SLIT2: variants seen among roughly 807,000 people sequenced by gnomAD.
SLIT2 encodes the protein slit guidance ligand 2.
Under a neutral mutation model 185.7 loss-of-function variants are expected in SLIT2, and 41 were observed. The observed-to-expected ratio is 0.22, with a 90% CI of 0.17 to 0.29. SLIT2 has a LOEUF of 0.29. Ranked by LOEUF, SLIT2 falls within the 10% of genes least tolerant of loss-of-function variation. The pLI is 1.00. For synonymous variants in SLIT2, 693 were observed against 680.2 expected, an observed-to-expected ratio of 1.02 and a Z score of -0.29; for missense variants, 1,571 against 1,909.0, an observed-to-expected ratio of 0.82 and a Z score of 3.30.
chr4:20,354,887 G>C (rs1297466336), intron 4 of SLIT2, among the ~76,000 whole-genome samples: 1 of 82,490 alleles, frequency 1.2e-5, no homozygotes, highest in Non-Finnish European at 2.8e-5. Context: ...GCAAGTCTGC[G>C]TGTGTGTGTG....
At chr4:20,448,370 G>A (rs1712063144) in intron 4 of SLIT2, among the ~76,000 whole-genome samples, 1 of 152,016 alleles carries the variant, frequency 6.6e-6, no homozygotes, top group South Asian at 2.1e-4. Context: ...GCACCAGGCT[G>A]GAGGGCAGCA....
At chr4:20,431,286 T>C (rs1728954182) in intron 4 of SLIT2, among the ~76,000 whole-genome samples, 1 of 152,222 alleles carries the variant, frequency 6.6e-6, no homozygotes, top group South Asian at 2.1e-4. Flanking sequence ...ATAGACTTTT[T>C]TGGAAGGGGA....
chr4:20,278,190 CTGTT>C (rs999570840), intron 4 of SLIT2, among the ~76,000 whole-genome samples: 1 of 151,496 alleles, frequency 6.6e-6, no homozygotes, highest in African/African-American at 2.4e-5. Context: ...TCTAAATACA[CTGTT>C]TATGTTCACA....
At chr4:20,271,438 A>G (rs1713596362) in intron 4 of SLIT2, among the ~76,000 whole-genome samples, 1 of 146,522 alleles carries the variant, frequency 6.8e-6, no homozygotes, top group South Asian at 2.1e-4. Context: ...TATATGTAAT[A>G]TAATATATAA....
At chr4:20,543,220 T>G (rs905106062) in intron 21 of SLIT2, among the ~76,000 whole-genome samples, 2 of 152,146 alleles carry the variant, frequency 1.3e-5, no homozygotes, top group Non-Finnish European at 2.9e-5. Context: ...CTTTAGATCC[T>G]AAAGGGTATG....
chr4:20,549,313 G>A (rs952044299), intron 24 of SLIT2, among the ~76,000 whole-genome samples, 185 bp downstream of exon 24: 1 of 151,956 alleles, frequency 6.6e-6, no homozygotes, highest in African/African-American at 2.4e-5. Context: ...CTTTGCTTTG[G>A]ACAATATAAC....
At chr4:20,573,656 A>G (rs957369460) in intron 29 of SLIT2, among the ~76,000 whole-genome samples, 23 of 152,210 alleles carry the variant, frequency 1.5e-4, no homozygotes, top group African/African-American at 5.3e-4. Flanking sequence ...AAGGCTGTAG[A>G]TAGAAAAATT....
At chr4:20,500,459 A>G (rs915673085) in intron 9 of SLIT2, among the ~76,000 whole-genome samples, 1 of 152,154 alleles carries the variant, frequency 6.6e-6, no homozygotes, top group South Asian at 2.1e-4. Flanking sequence ...CTACAACATT[A>G]CTTTCACTTC....
chr4:20,336,767 G>A (rs1466402865), intron 4 of SLIT2, among the ~76,000 whole-genome samples: 3 of 152,210 alleles, frequency 2.0e-5, no homozygotes, highest in Non-Finnish European at 2.9e-5. Context: ...GTTTGCACAT[G>A]TTCCAAGTGT....
Position 20,619,214 on chromosome 4 carries a change from G to T in SLIT2, c.*205G>T. 1 of 511,284 alleles carries T rather than the reference G, an allele frequency of 2.0e-6. No homozygotes were observed. 31.7% of individuals were successfully genotyped at this position (511,284 alleles called of 1,614,324 possible). On this transcript the variant is annotated 3_prime_UTR_variant, in exon 37 of 37. Coordinates refer to ENST00000504154, the MANE Select transcript of SLIT2 (RefSeq NM_004787.4). The stretch of plus-strand genomic sequence containing the variant: ...GAACTAAAGCTTCCCCTATGCTGGA[G>T]AAGTATGAAGAAAGATATACCTGGA...
At chr4:20,537,521 T>C (rs939507679) in intron 18 of SLIT2, among the ~76,000 whole-genome samples, 1 of 152,264 alleles carries the variant, frequency 6.6e-6, no homozygotes, top group Middle Eastern at 3.4e-3. Flanking sequence ...TCTTGTTTTG[T>C]TTTTCATTCA....
At chr4:20,472,527 T>TATAG (rs1428437238) in intron 5 of SLIT2, among the ~76,000 whole-genome samples, 235 of 22,062 alleles carry the variant, frequency 0.011, 79 homozygotes, top group East Asian at 0.018. Context: ...TATATATCTA[T>TATAG]ATATAGATAT....
At chr4:20,419,983 G>T (rs1158967977) in intron 4 of SLIT2, among the ~76,000 whole-genome samples, 3 of 152,028 alleles carry the variant, frequency 2.0e-5, no homozygotes, top group African/African-American at 7.2e-5. Context: ...TGCAGGTTCT[G>T]TGCAGCTGTC....
intron 11 of SLIT2, among the ~76,000 whole-genome samples, chr4:20,515,977 G>A (rs538456925): frequency 6.6e-6 from 1 of 152,068 alleles, no homozygotes; most frequent in South Asian, 2.1e-4. Flanking sequence ...TACCACACTC[G>A]GCTAATTTTT....
chr4:20,597,108 C>A (rs994475452), intron 32 of SLIT2, among the ~76,000 whole-genome samples: 5 of 150,918 alleles, frequency 3.3e-5, no homozygotes, highest in African/African-American at 9.8e-5. Flanking sequence ...CTCTGTCGCC[C>A]AGGCTGGAGT....
chr4:20,253,723 C>G lies in SLIT2; in HGVS notation c.-93C>G. ...TGGCACTCTGGGTTGCTAGCCCCGCCGGGCACTGGGCCTCAGACACTGCGC... is the reference window on the plus strand; with the variant it reads ...TGGCACTCTGGGTTGCTAGCCCCGCGGGGCACTGGGCCTCAGACACTGCGC... On this transcript the variant is annotated 5_prime_UTR_variant, in exon 1 of 37. Coordinates refer to ENST00000504154, the MANE Select transcript of SLIT2 (RefSeq NM_004787.4). 1 of 1,467,238 alleles carries G rather than the reference C, an allele frequency of 6.8e-7. No homozygotes were observed. Among genetic ancestry groups the G allele is most frequent in the South Asian group, 1.2e-5 (1 of 80,644 alleles). 90.9% of individuals were successfully genotyped at this position (1,467,238 alleles called of 1,614,324 possible). A position where few individuals can be genotyped will look rare whatever the true frequency, so the allele number is the denominator to read the frequency against.
At chr4:20,435,979 G>A (rs931838792) in intron 4 of SLIT2, among the ~76,000 whole-genome samples, 1 of 152,218 alleles carries the variant, frequency 6.6e-6, no homozygotes, top group Non-Finnish European at 1.5e-5. Flanking sequence ...GAATGAGTGA[G>A]TGAATGAGCT....
At chr4:20,513,653 C>A (rs569424750) in intron 11 of SLIT2, among the ~76,000 whole-genome samples, 1 of 152,054 alleles carries the variant, frequency 6.6e-6, no homozygotes, top group East Asian at 1.9e-4. Flanking sequence ...TAAAATTTAC[C>A]TATATTTATA....
intron 4 of SLIT2, among the ~76,000 whole-genome samples, chr4:20,296,268 T>A (rs1716467888): frequency 6.6e-6 from 1 of 152,198 alleles, no homozygotes; most frequent in Non-Finnish European, 1.5e-5. Context: ...GAGCAGAATA[T>A]GGCATTAAGC....
Sources: gnomAD v4.1 joint callset for allele counts (sites outside exome capture counted in the v4.1 genomes callset) on GRCh38, gnomAD v4.1.1 for gene constraint, MANE v1.5 for transcripts, NCBI Gene and HGNC (gene_info 2026-07-23, HGNC 2026-07-21) for gene names.